Variants in PEX14 observed in about 807,000 individuals in gnomAD.
PEX14 encodes peroxisomal biogenesis factor 14.
PEX14 carries 15 observed loss-of-function variants against 49.5 expected under a neutral mutation model. The ratio of observed to expected loss-of-function variants is 0.30; its 90% CI spans 0.20 to 0.47. PEX14 has a LOEUF of 0.47. PEX14 is among the 20% of genes least tolerant of loss of function. The probability of loss-of-function intolerance (pLI) is 1.00; values close to 1 mark genes in which losing one functional copy is unlikely to be tolerated. For missense variants in PEX14, 398 were observed against 494.8 expected (o/e 0.80, Z 1.86); for synonymous variants, 210 against 212.7 (o/e 0.99, Z 0.11).
chr1:10,591,287 C>T (rs974574726), intron 3 of PEX14, among the ~76,000 whole-genome samples: 4 of 152,012 alleles, frequency 2.6e-5, no homozygotes, highest in Admixed American at 2.6e-4. Flanking sequence ...CTGCTGTGGT[C>T]GCAGCCACAG....
Position 10,508,439 on chromosome 1 carries a change from C to T in PEX14, c.84+13118C>T, listed in dbSNP as rs574151000. On this transcript the variant is annotated intron_variant, in intron 2 of 8. Coordinates refer to ENST00000356607, the MANE Select transcript of PEX14 (RefSeq NM_004565.3). ...AGCCAGGATGGTCTCGATCTCCTGA[C>T]CTCGGCCTCCCAAAGTGCTGGGGTT... 2.0e-4 allele frequency among the ~76,000 whole-genome samples: 31 copies of T among 152,326 alleles called. No homozygotes were observed. In the South Asian group the frequency reaches 6.0e-3, roughly 29 times the overall value.
chr1:10,559,240 T>C (rs1317716821), intron 3 of PEX14, among the ~76,000 whole-genome samples: 1 of 152,170 alleles, frequency 6.6e-6, no homozygotes, highest in Non-Finnish European at 1.5e-5. Flanking sequence ...TTTAAAGCAT[T>C]AATTTAGAGA....
intron 3 of PEX14, among the ~76,000 whole-genome samples, chr1:10,553,861 C>T (rs971075716): frequency 6.6e-6 from 1 of 152,106 alleles, no homozygotes; most frequent in African/African-American, 2.4e-5. Context: ...CTGATCTGGC[C>T]TCGGCAATTT....
intron 1 of PEX14, among the ~76,000 whole-genome samples, chr1:10,493,848 C>T (rs1010841274): frequency 6.6e-6 from 1 of 152,168 alleles, no homozygotes; most frequent in African/African-American, 2.4e-5. Context: ...CCCATTCATG[C>T]CAAGAGGGAA....
At chr1:10,508,657 C>G (rs1471350882) in intron 2 of PEX14, among the ~76,000 whole-genome samples, 2 of 152,146 alleles carry the variant, frequency 1.3e-5, no homozygotes, top group African/African-American at 4.8e-5. Flanking sequence ...GAGGCAGGTG[C>G]CCAGGAGGAG....
intron 3 of PEX14, among the ~76,000 whole-genome samples, chr1:10,585,571 G>A (rs1640457090): frequency 6.6e-6 from 1 of 152,214 alleles, no homozygotes; most frequent in Admixed American, 6.5e-5. Flanking sequence ...GATACACCAT[G>A]CAAACACTAA....
intron 1 of PEX14, among the ~76,000 whole-genome samples, chr1:10,476,005 T>C (rs1400411380): frequency 6.6e-6 from 1 of 152,208 alleles, no homozygotes; most frequent in East Asian, 1.9e-4. Context: ...CCACTAGTCA[T>C]CCATACATTT....
intron 3 of PEX14, among the ~76,000 whole-genome samples, chr1:10,587,992 G>T (rs989519331): frequency 6.9e-6 from 1 of 145,946 alleles, no homozygotes; most frequent in African/African-American, 2.5e-5. Context: ...TTGGGAGGCC[G>T]AGCGAGTAGA....
intron 3 of PEX14, among the ~76,000 whole-genome samples, chr1:10,588,817 C>G (rs1640576130): frequency 6.6e-6 from 1 of 152,046 alleles, no homozygotes; most frequent in Non-Finnish European, 1.5e-5. Flanking sequence ...AAAGTGCTTC[C>G]TTTAAGTGAA....
intron 3 of PEX14, among the ~76,000 whole-genome samples, chr1:10,583,623 T>G (rs1337889223): frequency 6.7e-6 from 1 of 149,224 alleles, no homozygotes; most frequent in Non-Finnish European, 1.5e-5. Flanking sequence ...AATGCAATGG[T>G]AGAGTGGGAG....
At chr1:10,602,947 A>G (rs1182900716) in intron 4 of PEX14, among the ~76,000 whole-genome samples, 2 of 152,208 alleles carry the variant, frequency 1.3e-5, no homozygotes, top group Non-Finnish European at 2.9e-5. Flanking sequence ...CCAAGGCTAG[A>G]AAATGGGATC....
intron 1 of PEX14, among the ~76,000 whole-genome samples, chr1:10,490,042 T>G (rs937710336): frequency 2.0e-5 from 3 of 152,190 alleles, no homozygotes; most frequent in African/African-American, 7.2e-5. Context: ...AGGAGTGACA[T>G]GAAATAACTT....
chr1:10,542,050 A>G (rs1415995010), intron 3 of PEX14, among the ~76,000 whole-genome samples: 1 of 151,582 alleles, frequency 6.6e-6, no homozygotes, highest in Non-Finnish European at 1.5e-5. Context: ...ATGAAAAGGA[A>G]AGTGACAAAA....
chr1:10,518,741 A>G (rs953377347), intron 2 of PEX14, among the ~76,000 whole-genome samples: 1 of 152,176 alleles, frequency 6.6e-6, no homozygotes. Context: ...AGTTGCCTGC[A>G]TGGTGCTTCC....
At chr1:10,574,729 G>A (rs116777653) in intron 3 of PEX14, among the ~76,000 whole-genome samples, 1,714 of 152,230 alleles carry the variant, frequency 0.011, 33 homozygotes, top group African/African-American at 0.039. Context: ...AGTTTTATGC[G>A]TCAACAAGAG....
chr1:10,536,165 C>A, intron 2 of PEX14, 48 bp from the exon 3 acceptor site: 1 of 1,113,944 alleles, frequency 9.0e-7, no homozygotes, highest in South Asian at 1.2e-5. Context: ...TCTTGAAATT[C>A]AGACTATTGA....
intron 3 of PEX14, among the ~76,000 whole-genome samples, chr1:10,571,420 T>G: frequency 6.6e-6 from 1 of 151,608 alleles, no homozygotes. Flanking sequence ...GGGTACAGAG[T>G]TTCAGTTTTG....
At chr1:10,508,423 G>T (rs527621472) in intron 2 of PEX14, among the ~76,000 whole-genome samples, 1 of 152,114 alleles carries the variant, frequency 6.6e-6, no homozygotes, top group Non-Finnish European at 1.5e-5. Context: ...TAGCCAGGAT[G>T]GTCTCGATCT....
intron 3 of PEX14, among the ~76,000 whole-genome samples, chr1:10,553,640 GCTTCTCCCTC>G (rs112766521): frequency 0.33 from 49,868 of 151,794 alleles, 8,705 homozygotes; most frequent in East Asian, 0.45. Context: ...GGTAAAGTCT[GCTTCTCCCTC>G]CAAGAAGAGA....
Sources: allele counts gnomAD v4.1 joint callset (sites outside exome capture counted in the v4.1 genomes callset), GRCh38; gene constraint gnomAD v4.1.1; transcripts MANE v1.5; gene names NCBI Gene and HGNC (gene_info 2026-07-23, HGNC 2026-07-21).